LY96: variants seen among roughly 807,000 people sequenced by gnomAD.
LY96 encodes lymphocyte antigen 96.
In LY96, 18 loss-of-function variants were observed where a neutral mutation model predicts 18.9. The ratio of observed to expected loss-of-function variants is 0.95; its 90% CI spans 0.66 to 1.41. The LOEUF (loss-of-function observed/expected upper bound fraction) is 1.41, where lower values mean the gene tolerates loss of function less well. Ranked by LOEUF, LY96 falls within the 40% of genes most tolerant of loss-of-function variation. The pLI, the probability that LY96 is intolerant of heterozygous loss-of-function variation, is 0.00. For synonymous variants in LY96, 66 were observed against 62.6 expected (o/e 1.06, Z -0.26); for missense variants, 175 against 182.4 (o/e 0.96, Z 0.23).
the LY96 span, among the ~76,000 whole-genome samples, chr8:74,092,824 C>G: frequency 6.6e-6 from 1 of 152,166 alleles, no homozygotes; most frequent in Non-Finnish European, 1.5e-5. Flanking sequence ...CATCTTATCT[C>G]TGGAATAGTT....
chr8:73,995,662 G>A (rs1031100729), intron 1 of LY96, among the ~76,000 whole-genome samples: 1 of 152,028 alleles, frequency 6.6e-6, no homozygotes. Flanking sequence ...TGTGTGAGTT[G>A]GTTCCTAGGA....
At chr8:74,072,276 G>A in the LY96 span, among the ~76,000 whole-genome samples, 1 of 152,092 alleles carries the variant, frequency 6.6e-6, no homozygotes, top group East Asian at 1.9e-4. Context: ...CCAAACTAAT[G>A]GGTATAAAAT....
intron 3 of LY96, among the ~76,000 whole-genome samples, chr8:74,016,223 C>G (rs1182094764): frequency 1.3e-5 from 2 of 152,244 alleles, no homozygotes; most frequent in Admixed American, 6.5e-5. Context: ...CTGTGCATGG[C>G]TCAGTGGGTC....
chr8:74,089,826 C>G, the LY96 span, among the ~76,000 whole-genome samples: 2 of 152,040 alleles, frequency 1.3e-5, no homozygotes, highest in African/African-American at 2.4e-5. Flanking sequence ...AAGGGCCTCA[C>G]GAATCATGTG....
At chr8:74,075,904 T>C in the LY96 span, among the ~76,000 whole-genome samples, 20 of 152,122 alleles carry the variant, frequency 1.3e-4, no homozygotes, top group African/African-American at 4.6e-4. Flanking sequence ...GGGTGCAGGA[T>C]GATGGTAAGG....
the LY96 span, among the ~76,000 whole-genome samples, chr8:74,066,894 G>A: frequency 2.0e-5 from 3 of 152,220 alleles, no homozygotes; most frequent in African/African-American, 4.8e-5. Flanking sequence ...AGAGGTTCAG[G>A]CAGGGGTAAG....
intron 3 of LY96, among the ~76,000 whole-genome samples, chr8:74,026,569 C>T (rs994483510): frequency 1.3e-5 from 2 of 152,090 alleles, no homozygotes; most frequent in Non-Finnish European, 2.9e-5. Context: ...AGTTTGTGTC[C>T]CCTAAGGGAT....
intron 3 of LY96, among the ~76,000 whole-genome samples, chr8:74,013,191 TCTC>T (rs1816565922): frequency 6.6e-6 from 1 of 152,004 alleles, no homozygotes; most frequent in Non-Finnish European, 1.5e-5. Context: ...AATGGCACAA[TCTC>T]AGCTCACTGC....
chr8:74,073,794 G>T, the LY96 span, among the ~76,000 whole-genome samples: 24 of 151,250 alleles, frequency 1.6e-4, 1 homozygote, highest in South Asian at 5.0e-3. Flanking sequence ...CTCCTGCCTG[G>T]CTGAGGCAGG....
At chr8:73,996,372 C>CCTTCCTTCCTTCCTTCATTTCTTTCTTT (rs1816135382) in intron 1 of LY96, among the ~76,000 whole-genome samples, 1 of 110,910 alleles carries the variant, frequency 9.0e-6, no homozygotes, top group Non-Finnish European at 1.9e-5. Context: ...TTCCTTCATT[C>CCTTCCTTCCTTCCTTCATTTCTTTCTTT]CTTTCTTTCT....
intron 1 of LY96, among the ~76,000 whole-genome samples, chr8:74,000,040 C>T (rs1816231353): frequency 6.6e-6 from 1 of 152,142 alleles, no homozygotes; most frequent in African/African-American, 2.4e-5. Flanking sequence ...AGTTTTTCAC[C>T]ACTGAGTATG....
the LY96 span, among the ~76,000 whole-genome samples, chr8:74,047,272 G>A: frequency 6.6e-6 from 1 of 152,138 alleles, no homozygotes; most frequent in Non-Finnish European, 1.5e-5. Flanking sequence ...GCACTAGAGG[G>A]ACTATTTCTT....
At chr8:73,996,373 CTT>C (rs1387582380) in intron 1 of LY96, among the ~76,000 whole-genome samples, 1 of 18,024 alleles carries the variant, frequency 5.5e-5, no homozygotes. Flanking sequence ...TCCTTCATTC[CTT>C]TCTTTCTTTC....
At chr8:74,073,799 G>A in the LY96 span, among the ~76,000 whole-genome samples, 249 of 151,458 alleles carry the variant, frequency 1.6e-3, no homozygotes, top group South Asian at 6.7e-3. Context: ...GCCTGGCTGA[G>A]GCAGGATGCC....
the LY96 span, among the ~76,000 whole-genome samples, chr8:74,057,616 T>A: frequency 6.6e-6 from 1 of 152,200 alleles, no homozygotes; most frequent in Non-Finnish European, 1.5e-5. Flanking sequence ...CCAATTTCAC[T>A]GTCCCCTGCC....
the LY96 span, among the ~76,000 whole-genome samples, chr8:74,067,774 T>C: frequency 1.3e-5 from 2 of 151,996 alleles, no homozygotes. Context: ...ATATAAAACA[T>C]TTCCAGACCG....
chr8:74,034,282 G>T, the LY96 span, among the ~76,000 whole-genome samples: 32 of 152,162 alleles, frequency 2.1e-4, no homozygotes, highest in Non-Finnish European at 4.3e-4. Flanking sequence ...TGAGGCATGA[G>T]AATTGTTTGA....
chr8:74,060,430 T>C, the LY96 span, among the ~76,000 whole-genome samples: 2 of 152,346 alleles, frequency 1.3e-5, no homozygotes, highest in Admixed American at 1.3e-4. Flanking sequence ...TCAGTCGGGG[T>C]AATTATATCA....
the LY96 span, among the ~76,000 whole-genome samples, chr8:74,040,991 C>T: frequency 6.6e-6 from 1 of 152,094 alleles, no homozygotes; most frequent in East Asian, 1.9e-4. Flanking sequence ...TATTATGAAT[C>T]TGAAATTATT....
Sources: allele counts gnomAD v4.1 joint callset (sites outside exome capture counted in the v4.1 genomes callset), GRCh38; gene constraint gnomAD v4.1.1; transcripts MANE v1.5; gene names NCBI Gene and HGNC (gene_info 2026-07-23, HGNC 2026-07-21).